Variants in DISP1 observed in about 807,000 individuals in gnomAD.
DISP1 encodes protein dispatched homolog 1.
DISP1 carries 30 observed loss-of-function variants against 37.3 expected under a neutral mutation model. The ratio of observed to expected loss-of-function variants is 0.80; its 90% CI spans 0.60 to 1.09. The LOEUF (loss-of-function observed/expected upper bound fraction) is 1.09. DISP1 is among the 50% of genes least tolerant of loss of function. The pLI is 0.00. For missense variants in DISP1, 1,598 were observed against 1,879.5 expected (o/e 0.85, Z 2.77); for synonymous variants, 634 against 690.2 (o/e 0.92, Z 1.28).
intron 1 of DISP1, among the ~76,000 whole-genome samples, chr1:222,902,910 A>G (rs1558320305): frequency 1.3e-5 from 2 of 151,590 alleles, no homozygotes. Context: ...TCAGGGATCT[A>G]GAACTAGAAA....
intron 3 of DISP1, among the ~76,000 whole-genome samples, chr1:222,969,956 T>G (rs996008801): frequency 2.0e-4 from 31 of 152,218 alleles, no homozygotes; most frequent in African/African-American, 7.5e-4. Flanking sequence ...TATTTTAGAA[T>G]AGACAAAACA....
chr1:222,944,907 C>T (rs780547173), intron 3 of DISP1, among the ~76,000 whole-genome samples: 3 of 152,084 alleles, frequency 2.0e-5, no homozygotes, highest in Non-Finnish European at 4.4e-5. Flanking sequence ...CAGCTCATGG[C>T]TGCGGGGATT....
intron 1 of DISP1, among the ~76,000 whole-genome samples, chr1:222,887,522 C>T (rs1285453603): frequency 3.7e-5 from 3 of 81,054 alleles, no homozygotes; most frequent in Non-Finnish European, 7.2e-5. Context: ...GACGGAGTCT[C>T]GCTCTGTTGC....
chr1:222,998,771 G>C (rs746737838), intron 8 of DISP1, among the ~76,000 whole-genome samples: 4 of 152,124 alleles, frequency 2.6e-5, no homozygotes, highest in Admixed American at 6.6e-5. Context: ...AGCTTGTAAA[G>C]GGATTTGAAA....
chr1:222,917,174 CTCT>C (rs1672540382), intron 1 of DISP1, among the ~76,000 whole-genome samples: 1 of 152,178 alleles, frequency 6.6e-6, no homozygotes, highest in Non-Finnish European at 1.5e-5. Flanking sequence ...GCAAGGAGCT[CTCT>C]TCTTCTTCCC....
intron 1 of DISP1, among the ~76,000 whole-genome samples, chr1:222,831,647 A>G (rs1572230603): frequency 6.6e-6 from 1 of 152,310 alleles, no homozygotes; most frequent in East Asian, 1.9e-4. Context: ...GAGATTAGAG[A>G]AAACTTTATA....
intron 1 of DISP1, among the ~76,000 whole-genome samples, chr1:222,900,783 G>A (rs2125404124): frequency 6.6e-6 from 1 of 152,310 alleles, no homozygotes; most frequent in Admixed American, 6.5e-5. Context: ...CATAAAGTTA[G>A]CTATTATTTT....
chr1:222,961,155 G>A (rs1572631965), intron 3 of DISP1, among the ~76,000 whole-genome samples: 2 of 152,174 alleles, frequency 1.3e-5, no homozygotes, highest in African/African-American at 4.8e-5. Context: ...ACCAGGAGGA[G>A]ACACAACGAA....
chr1:222,839,778 A>G (rs1402897475), intron 1 of DISP1, among the ~76,000 whole-genome samples: 1 of 151,952 alleles, frequency 6.6e-6, no homozygotes, highest in Non-Finnish European at 1.5e-5. Context: ...ACTAAAATAC[A>G]AAAAATTAGC....
chr1:222,998,200 CAG>C (rs1437035719), intron 8 of DISP1, among the ~76,000 whole-genome samples: 1 of 151,490 alleles, frequency 6.6e-6, no homozygotes, highest in Admixed American at 6.6e-5. Flanking sequence ...GTGGTTCGAG[CAG>C]AGTTGTCCTA....
intron 4 of DISP1, among the ~76,000 whole-genome samples, chr1:222,984,239 T>C (rs1451823856): frequency 6.6e-6 from 1 of 151,402 alleles, no homozygotes; most frequent in Non-Finnish European, 1.5e-5. Context: ...CACCTGTGTC[T>C]ACAAAAAAAT....
chr1:222,985,522 T>C (rs1335884163), intron 4 of DISP1, among the ~76,000 whole-genome samples: 1 of 152,034 alleles, frequency 6.6e-6, no homozygotes, highest in African/African-American at 2.4e-5. Context: ...TGGTGGCGGG[T>C]GCCTGGAATC....
At chr1:222,850,659 T>C (rs561538392) in intron 1 of DISP1, among the ~76,000 whole-genome samples, 90 of 152,306 alleles carry the variant, frequency 5.9e-4, no homozygotes, top group African/African-American at 2.1e-3. Flanking sequence ...GTTCTTATCA[T>C]TTAGCTCCCT....
At chr1:222,871,137 TC>T (rs148442505) in intron 1 of DISP1, among the ~76,000 whole-genome samples, 17,341 of 152,226 alleles carry the variant, frequency 0.11, 1,351 homozygotes, top group Non-Finnish European at 0.16. Context: ...TCTGTTCTGT[TC>T]CATTGGTCTA....
intron 2 of DISP1, among the ~76,000 whole-genome samples, chr1:222,935,772 G>C (rs1673685759): frequency 6.6e-6 from 1 of 152,170 alleles, no homozygotes; most frequent in Admixed American, 6.5e-5. Flanking sequence ...ATTTTACCTT[G>C]GCAGTTTTCT....
intron 1 of DISP1, among the ~76,000 whole-genome samples, chr1:222,879,232 C>T (rs552963139): frequency 6.6e-6 from 1 of 152,258 alleles, no homozygotes; most frequent in East Asian, 1.9e-4. Flanking sequence ...CAATGAGACA[C>T]CTGGCTTAGC....
Position 223,002,324 on chromosome 1 carries a change from G to A in DISP1, c.988-61G>A, listed in dbSNP as rs1041597552. Reference sequence around the variant, plus strand: ...GATCACCTTAGTGCAGTCCTTTCCAGTTGTGAACGATTGTGAACCAATTTA... The same window carrying A: ...GATCACCTTAGTGCAGTCCTTTCCAATTGTGAACGATTGTGAACCAATTTA... On this transcript the variant is annotated intron_variant, in intron 8 of 8. Transcript: ENST00000675850. The A allele has an allele frequency of 2.2e-5, 32 of 1,480,238 alleles. No homozygotes were observed. In the African/African-American group the frequency reaches 2.8e-4, roughly 13 times the overall value. The allele number at this position is 1,480,238 out of a possible 1,614,324, so 91.7% of individuals were successfully genotyped here.
chr1:222,987,743 A>C (rs184165318), intron 4 of DISP1, among the ~76,000 whole-genome samples: 13 of 152,356 alleles, frequency 8.5e-5, no homozygotes, highest in Admixed American at 7.2e-4. Context: ...TAACATGTTA[A>C]TAGGTAAAAA....
intron 1 of DISP1, among the ~76,000 whole-genome samples, chr1:222,818,899 T>C (rs1220635442): frequency 6.6e-6 from 1 of 152,240 alleles, no homozygotes; most frequent in Admixed American, 6.5e-5. Context: ...AAAATACTTT[T>C]GCTGTATTAA....
Sources: gnomAD v4.1 joint callset for allele counts (sites outside exome capture counted in the v4.1 genomes callset) on GRCh38, gnomAD v4.1.1 for gene constraint, MANE v1.5 for transcripts, NCBI Gene and HGNC (gene_info 2026-07-23, HGNC 2026-07-21) for gene names.